Variants in OSBPL10 observed in about 807,000 individuals in gnomAD.
OSBPL10 encodes the protein oxysterol-binding protein-related protein 10.
Under a neutral mutation model 81.7 loss-of-function variants are expected in OSBPL10, and 49 were observed. The observed-to-expected ratio is 0.60, with a 90% CI of 0.48 to 0.76. The LOEUF (loss-of-function observed/expected upper bound fraction) is 0.76, where lower values mean the gene tolerates loss of function less well. OSBPL10 is among the 30% of genes least tolerant of loss of function. OSBPL10 has a pLI of 0.00. For synonymous variants in OSBPL10, 419 were observed against 383.6 expected (o/e 1.09, Z -1.08); for missense variants, 923 against 987.8 (o/e 0.93, Z 0.88).
At chr3:31,699,543 C>T (rs1318991833) in intron 7 of OSBPL10, among the ~76,000 whole-genome samples, 1 of 152,222 alleles carries the variant, frequency 6.6e-6, no homozygotes, top group East Asian at 1.9e-4. Flanking sequence ...GCAGGACCAG[C>T]TACATGCTGT....
At chr3:31,736,174 T>C (rs1167741525) in intron 5 of OSBPL10, among the ~76,000 whole-genome samples, 1 of 152,028 alleles carries the variant, frequency 6.6e-6, no homozygotes, top group Non-Finnish European at 1.5e-5. Flanking sequence ...TTTTGCAAGA[T>C]GGAAAGAGTT....
intron 1 of OSBPL10, among the ~76,000 whole-genome samples, chr3:31,949,134 G>T (rs566142138): frequency 2.9e-4 from 44 of 152,234 alleles, no homozygotes; most frequent in African/African-American, 8.2e-4. Context: ...GGAAAGAGGA[G>T]TTTTAGGTTG....
At chr3:31,668,108 C>A (rs1458797188) in intron 10 of OSBPL10, among the ~76,000 whole-genome samples, 1 of 152,088 alleles carries the variant, frequency 6.6e-6, no homozygotes, top group Admixed American at 6.6e-5. Flanking sequence ...TAAGAGTTTG[C>A]CCTGAGAACA....
intron 4 of OSBPL10, among the ~76,000 whole-genome samples, chr3:31,809,040 G>T (rs1482889781): frequency 6.7e-6 from 1 of 150,262 alleles, no homozygotes; most frequent in Non-Finnish European, 1.5e-5. Context: ...TTCAGCAAAA[G>T]TAAGACTAAG....
At chr3:31,929,704 C>T (rs1473088617) in intron 1 of OSBPL10, among the ~76,000 whole-genome samples, 4 of 150,000 alleles carry the variant, frequency 2.7e-5, no homozygotes, top group East Asian at 2.0e-4. Context: ...GCCGAGATAG[C>T]GCCACTGGAC....
intron 2 of OSBPL10, among the ~76,000 whole-genome samples, chr3:32,001,092 G>C (rs1699140507): frequency 2.0e-5 from 3 of 152,172 alleles, no homozygotes. Flanking sequence ...AAGGCATCTA[G>C]GGGCGCTGTT....
chr3:31,821,902 C>A (rs1224881348), intron 4 of OSBPL10, among the ~76,000 whole-genome samples: 2 of 152,192 alleles, frequency 1.3e-5, no homozygotes, highest in Non-Finnish European at 2.9e-5. Context: ...AAAGGCTGTA[C>A]ATGAATTTCT....
intron 1 of OSBPL10, among the ~76,000 whole-genome samples, chr3:31,977,710 C>T (rs977654376): frequency 6.6e-6 from 1 of 152,140 alleles, no homozygotes; most frequent in Non-Finnish European, 1.5e-5. Context: ...TTGCCACTTT[C>T]TGGATTTTTT....
At chr3:31,985,159 A>T (rs1259591596), upstream of OSBPL10, among the ~76,000 whole-genome samples, 1 of 152,196 alleles carries the variant, frequency 6.6e-6, no homozygotes, top group Non-Finnish European at 1.5e-5. Flanking sequence ...AAATCGCTTG[A>T]ACCCAGAAGG....
At chr3:31,902,428 A>G (rs1283886148) in intron 1 of OSBPL10, among the ~76,000 whole-genome samples, 1 of 151,618 alleles carries the variant, frequency 6.6e-6, no homozygotes, top group Non-Finnish European at 1.5e-5. Context: ...ACACCCAGCT[A>G]ATTTTTATAT....
intron 1 of OSBPL10, among the ~76,000 whole-genome samples, chr3:31,917,663 G>A (rs1413472984): frequency 1.4e-5 from 2 of 147,614 alleles, no homozygotes; most frequent in Non-Finnish European, 3.0e-5. Flanking sequence ...CACCTTGGAA[G>A]GTACAAACTG....
At chr3:31,919,074 T>TG (rs888359330) in intron 1 of OSBPL10, among the ~76,000 whole-genome samples, 38 of 152,208 alleles carry the variant, frequency 2.5e-4, no homozygotes, top group Non-Finnish European at 2.9e-5. Flanking sequence ...GCTGGGCTTT[T>TG]GCTCATACTG....
At chr3:32,045,274 G>T (rs1443821146) in intron 2 of OSBPL10, among the ~76,000 whole-genome samples, 2 of 152,062 alleles carry the variant, frequency 1.3e-5, no homozygotes, top group South Asian at 2.1e-4. Flanking sequence ...GCTTCTACTG[G>T]GTTTCTCACA....
intron 1 of OSBPL10, among the ~76,000 whole-genome samples, chr3:31,974,753 G>A (rs1698650183): frequency 6.6e-6 from 1 of 152,182 alleles, no homozygotes; most frequent in South Asian, 2.1e-4. Flanking sequence ...GGGGCTGTGG[G>A]GGACAGGGAA....
intron 8 of OSBPL10, among the ~76,000 whole-genome samples, chr3:31,683,045 T>G (rs1448008833): frequency 6.6e-6 from 1 of 152,212 alleles, no homozygotes; most frequent in African/African-American, 2.4e-5. Context: ...ACACAGATGC[T>G]TGAATTTAAC....
intron 1 of OSBPL10, among the ~76,000 whole-genome samples, chr3:31,882,687 G>A (rs565110211): frequency 6.6e-4 from 100 of 151,916 alleles, no homozygotes; most frequent in African/African-American, 2.2e-3. Flanking sequence ...ACACACACAC[G>A]CACTGGAATG....
chr3:31,892,183 G>T (rs531323487), intron 1 of OSBPL10, among the ~76,000 whole-genome samples: 36 of 152,124 alleles, frequency 2.4e-4, no homozygotes, highest in African/African-American at 8.4e-4. Context: ...GTTCCAAGCA[G>T]AGGAAGGAGC....
intron 4 of OSBPL10, among the ~76,000 whole-genome samples, chr3:31,784,715 C>T (rs796518540): frequency 2.0e-5 from 3 of 151,682 alleles, no homozygotes; most frequent in African/African-American, 7.3e-5. Context: ...CCCCAGTAAC[C>T]GGGATTACAG....
At chr3:31,865,563 C>A (rs1364813071) in intron 3 of OSBPL10, among the ~76,000 whole-genome samples, 1 of 152,118 alleles carries the variant, frequency 6.6e-6, no homozygotes, top group Non-Finnish European at 1.5e-5. Flanking sequence ...AAGTTGATAG[C>A]ATTAGGAGGT....
Sources: allele counts gnomAD v4.1 joint callset (sites outside exome capture counted in the v4.1 genomes callset), GRCh38; gene constraint gnomAD v4.1.1; transcripts MANE v1.5; gene names NCBI Gene and HGNC (gene_info 2026-07-23, HGNC 2026-07-21).